NSDHL: variants seen among roughly 807,000 people sequenced by gnomAD.
NSDHL encodes the protein sterol-4-alpha-carboxylate 3-dehydrogenase, decarboxylating.
NSDHL carries 1 observed loss-of-function variant against 23.0 expected under a neutral mutation model. That is an observed-to-expected ratio of 0.04 (90% CI 0.02 to 0.21). NSDHL has a LOEUF of 0.21. Among genes scored for constraint, NSDHL ranks in the 10% least tolerant of loss-of-function variants. The pLI is 1.00. For synonymous variants in NSDHL, 128 were observed against 121.1 expected, an observed-to-expected ratio of 1.06 and a Z score of -0.37; for missense variants, 237 against 300.9, an observed-to-expected ratio of 0.79 and a Z score of 1.57.
chrX:152,864,203 C>T (rs1336660292), intron 5 of NSDHL, among the ~76,000 whole-genome samples: 1 of 112,621 alleles, frequency 8.9e-6, no homozygotes, highest in African/African-American at 3.2e-5. Context: ...GCCACCATGC[C>T]CAGCCTGTCT....
intron 1 of NSDHL, among the ~76,000 whole-genome samples, chrX:152,845,897 G>T (rs782355065): frequency 1.8e-5 from 2 of 112,714 alleles, no homozygotes; most frequent in Admixed American, 1.9e-4. Context: ...CTCCCTAGGT[G>T]TGGGCACTGC....
In NSDHL at chrX:152,868,835, C is replaced by T. The variant is rs146686014; in HGVS notation, c.841C>T (p.Arg281Cys). 371 of 1,209,593 alleles carry T rather than the reference C, an allele frequency of 3.1e-4. 1 individual carries two copies. In the African/African-American group the frequency reaches 3.1e-3, roughly 10 times the overall value. Residue 281 changes from arginine to cysteine, a missense_variant, in exon 8 of 8, where the codon CGC becomes TGC. Around this residue, in one of 3 missense-constraint regions of NSDHL, gnomAD observed 117 missense variants for 99.5 expected, o/e 1.18. Coordinates refer to ENST00000370274, the MANE Select transcript of NSDHL (RefSeq NM_015922.3). ...EPIPFWTFLS[R>C]ILTGLNYEAP... ...CATCCCTTTCTGGACATTCCTGTCT[C>T]GCATCCTGACAGGCCTCAATTATGA...
At chrX:152,846,002 G>A (rs1602929124) in intron 1 of NSDHL, among the ~76,000 whole-genome samples, 2 of 112,892 alleles carry the variant, frequency 1.8e-5, no homozygotes, top group South Asian at 3.6e-4. Flanking sequence ...TTTTTATGTT[G>A]TCACTGATAA....
intron 1 of NSDHL, 131 bp from the exon 2 acceptor site, chrX:152,846,151 G>A (rs1210428648): frequency 2.1e-5 from 10 of 487,798 alleles, no homozygotes; most frequent in Non-Finnish European, 3.0e-5. Flanking sequence ...GTGTCTTGTC[G>A]AACAGCTGTC....
chrX:152,846,712 C>T (rs1240019095), intron 2 of NSDHL, among the ~76,000 whole-genome samples: 1 of 112,119 alleles, frequency 8.9e-6, no homozygotes, highest in Non-Finnish European at 1.9e-5. Flanking sequence ...GTTGCAATCA[C>T]ATGGGGACCC....
chrX:152,868,509 T>C lies in NSDHL; in HGVS notation c.790-275T>C, dbSNP rs914633262. On this transcript the variant is annotated intron_variant, in intron 7 of 7. Coordinates refer to ENST00000370274, the MANE Select transcript of NSDHL (RefSeq NM_015922.3). Reference sequence around the variant, plus strand: ...ATGAGGAATTCATTGCATCCAAAGATATGTAGATGAGTTTTATGATGATTA... The same window carrying C: ...ATGAGGAATTCATTGCATCCAAAGACATGTAGATGAGTTTTATGATGATTA... 4.4e-5 allele frequency among the ~76,000 whole-genome samples: 5 copies of C among 112,459 alleles called. No homozygotes were observed. In the South Asian group the frequency reaches 1.5e-3, roughly 33 times the overall value.
At chrX:152,845,226 A>T (rs995293070) in intron 1 of NSDHL, among the ~76,000 whole-genome samples, 1 of 111,825 alleles carries the variant, frequency 8.9e-6, no homozygotes, top group African/African-American at 3.3e-5. Flanking sequence ...GATCATGCCC[A>T]TTCGTTAAAA....
intron 1 of NSDHL, among the ~76,000 whole-genome samples, chrX:152,835,175 A>G (rs181196145): frequency 3.0e-4 from 33 of 111,568 alleles, no homozygotes; most frequent in Non-Finnish European, 5.8e-4. Context: ...CTTAGAAAAA[A>G]TACAGCAAAG....
At chrX:152,847,784 T>C (rs1188250141) in intron 2 of NSDHL, among the ~76,000 whole-genome samples, 2 of 111,755 alleles carry the variant, frequency 1.8e-5, no homozygotes, top group Non-Finnish European at 3.8e-5. Flanking sequence ...ACAAGAAGGG[T>C]TGGAAAAACC....
chrX:152,869,300 C>T lies in NSDHL; in HGVS notation c.*184C>T. 4.1e-6 allele frequency: 2 copies of T among 482,142 alleles called. No homozygotes were observed. Among genetic ancestry groups the T allele is most frequent in the East Asian group, 7.4e-5 (2 of 27,050 alleles). The allele number at this position is 482,142 out of a possible 1,213,427, so 39.7% of individuals were successfully genotyped here. On this transcript the variant is annotated 3_prime_UTR_variant, in exon 8 of 8. Transcript: ENST00000370274. The stretch of plus-strand genomic sequence containing the variant: ...CGGCAAAAACAGACATTTCTTCCTT[C>T]ATGGAACTGGATTTGGATTTCTTGA...
chrX:152,855,151 C>T (rs1475997857), intron 3 of NSDHL, among the ~76,000 whole-genome samples: 1 of 109,196 alleles, frequency 9.2e-6, no homozygotes, highest in Non-Finnish European at 1.9e-5. Flanking sequence ...CCCACCACCA[C>T]CCATGACTAA....
At chrX:152,857,377 G>A (rs1933458738) in intron 3 of NSDHL, among the ~76,000 whole-genome samples, 1 of 112,052 alleles carries the variant, frequency 8.9e-6, no homozygotes, top group African/African-American at 3.2e-5. Flanking sequence ...ACCAAAAGTG[G>A]GACAGACTTG....
At chrX:152,868,285 A>G (rs1556848367) in intron 7 of NSDHL, among the ~76,000 whole-genome samples, 1 of 109,919 alleles carries the variant, frequency 9.1e-6, no homozygotes, top group Non-Finnish European at 1.9e-5. Context: ...CTACAGGCAC[A>G]TGCCACCACG....
At chrX:152,862,208 A>G (rs1569474720) in intron 4 of NSDHL, among the ~76,000 whole-genome samples, 1 of 112,449 alleles carries the variant, frequency 8.9e-6, no homozygotes, top group Non-Finnish European at 1.9e-5. Flanking sequence ...TTTTTCAGAC[A>G]TCTTCCTAGA....
chrX:152,853,127 A>G (rs868965831), intron 3 of NSDHL, among the ~76,000 whole-genome samples: 6 of 31,167 alleles, frequency 1.9e-4, no homozygotes, highest in African/African-American at 5.7e-4. Flanking sequence ...TCTCTCAGGC[A>G]CGTGTGTGTG....
intron 3 of NSDHL, among the ~76,000 whole-genome samples, chrX:152,855,817 G>C (rs1487998638): frequency 8.9e-6 from 1 of 112,218 alleles, no homozygotes; most frequent in Non-Finnish European, 1.9e-5. Flanking sequence ...AAATATTTCA[G>C]TATTTGTCTC....
intron 3 of NSDHL, among the ~76,000 whole-genome samples, chrX:152,854,627 C>A (rs1056503438): frequency 1.0e-4 from 11 of 109,482 alleles, no homozygotes; most frequent in African/African-American, 3.7e-4. Context: ...CCAGGCTGGT[C>A]TTGAACTCCT....
rs1933007240 is a variant in NSDHL, at chrX:152,831,080, T to G, written c.-81T>G. On this transcript the variant is annotated 5_prime_UTR_variant, in exon 1 of 8. Coordinates refer to ENST00000370274, the MANE Select transcript of NSDHL (RefSeq NM_015922.3). Reference sequence around the variant, plus strand: ...TGGAGTTCAGTGGGTGCAGCCTGCTTGCGAGCTGAGGCCAGACAGGGGGGC... The same window carrying G: ...TGGAGTTCAGTGGGTGCAGCCTGCTGGCGAGCTGAGGCCAGACAGGGGGGC... The G allele has an allele frequency of 1.7e-5, 5 of 302,475 alleles. No homozygotes were observed. Among genetic ancestry groups the G allele is most frequent in the Non-Finnish European group, 2.9e-5 (5 of 173,590 alleles). The allele number at this position is 302,475 out of a possible 1,213,427, so 24.9% of individuals were successfully genotyped here. A position where few individuals can be genotyped will look rare whatever the true frequency, so the allele number is the denominator to read the frequency against.
chrX:152,868,529 TG>T (rs1933647991), intron 7 of NSDHL, among the ~76,000 whole-genome samples: 1 of 112,653 alleles, frequency 8.9e-6, no homozygotes, highest in Non-Finnish European at 1.9e-5. Context: ...AGTTTTATGA[TG>T]ATTAACAATT....
Sources: allele counts gnomAD v4.1 joint callset (sites outside exome capture counted in the v4.1 genomes callset), GRCh38; gene constraint gnomAD v4.1.1; regional missense constraint gnomAD v4.1.1; transcripts MANE v1.5; gene names NCBI Gene and HGNC (gene_info 2026-07-23, HGNC 2026-07-21).